Variants in WDPCP observed in about 807,000 individuals in gnomAD.
The protein encoded by WDPCP is WD repeat containing planar cell polarity effector.
Under a neutral mutation model 93.1 loss-of-function variants are expected in WDPCP, and 71 were observed. The observed-to-expected ratio is 0.76, with a 90% confidence interval of 0.63 to 0.93. The LOEUF (loss-of-function observed/expected upper bound fraction) is 0.93, where lower values mean the gene tolerates loss of function less well. Ranked by LOEUF, WDPCP falls within the 40% of genes least tolerant of loss-of-function variation. WDPCP has a pLI of 0.00. For synonymous variants in WDPCP, 315 were observed against 315.0 expected, an observed-to-expected ratio of 1.00 and a Z score of 0.00; for missense variants, 844 against 887.4, an observed-to-expected ratio of 0.95 and a Z score of 0.62.
intron 6 of WDPCP, among the ~76,000 whole-genome samples, chr2:63,450,614 C>CACT (rs1251302296): frequency 6.6e-6 from 1 of 152,164 alleles, no homozygotes; most frequent in Non-Finnish European, 1.5e-5. Context: ...CTCAGCCCAC[C>CACT]ACTACTACCA....
intron 13 of WDPCP, among the ~76,000 whole-genome samples, chr2:63,261,082 T>C (rs1313167862): frequency 1.3e-5 from 2 of 152,156 alleles, no homozygotes; most frequent in Admixed American, 6.5e-5. Context: ...ACGTGAAACA[T>C]ACTGTGATAA....
At chr2:63,255,477 C>T (rs984263319) in intron 14 of WDPCP, among the ~76,000 whole-genome samples, 5 of 152,126 alleles carry the variant, frequency 3.3e-5, no homozygotes, top group Admixed American at 3.3e-4. Flanking sequence ...GGTGCCCTCC[C>T]CATGGTAAGA....
At chr2:63,824,537 CAAAAAAAAAAA>C (rs70965144) in intron 1 of WDPCP, among the ~76,000 whole-genome samples, 4 of 85,330 alleles carry the variant, frequency 4.7e-5, no homozygotes, top group Non-Finnish European at 8.2e-5. Flanking sequence ...GACCATGTTT[CAAAAAAAAAAA>C]AAAAAAAAAA....
chr2:63,501,444 T>C (rs1701545270), intron 1 of WDPCP, among the ~76,000 whole-genome samples: 1 of 152,180 alleles, frequency 6.6e-6, no homozygotes, highest in Admixed American at 6.5e-5. Context: ...CACCTGCCTG[T>C]ACTCCTAGCT....
chr2:63,692,938 T>C (rs1261030011), intron 2 of WDPCP, among the ~76,000 whole-genome samples: 4 of 152,238 alleles, frequency 2.6e-5, no homozygotes. Flanking sequence ...GGCTATGTGC[T>C]ACATAAGCAA....
At chr2:63,838,032 T>C in the WDPCP span, among the ~76,000 whole-genome samples, 1 of 151,432 alleles carries the variant, frequency 6.6e-6, no homozygotes, top group Non-Finnish European at 1.5e-5. Flanking sequence ...GAGGTGGAGG[T>C]TGCATTGAGC....
intron 2 of WDPCP, chr2:63,684,295 T>C (rs1184504916): frequency 6.7e-6 from 4 of 593,886 alleles, no homozygotes; most frequent in Non-Finnish European, 1.3e-5. Context: ...GCCCAAGTGG[T>C]TGCTGCTGAA....
At chr2:63,230,458 G>A (rs1678758634) in intron 14 of WDPCP, among the ~76,000 whole-genome samples, 1 of 152,138 alleles carries the variant, frequency 6.6e-6, no homozygotes, top group Non-Finnish European at 1.5e-5. Context: ...GCCCAGTAAT[G>A]GGATGGCTGG....
intron 2 of WDPCP, among the ~76,000 whole-genome samples, chr2:63,797,060 C>T (rs556490499): frequency 3.3e-5 from 5 of 152,248 alleles, no homozygotes; most frequent in African/African-American, 1.2e-4. Context: ...CATTCCAGGC[C>T]CTATCTCCTG....
Position 63,603,513 on chromosome 2 carries a change from A to T in WDPCP, n.488+47146T>A, listed in dbSNP as rs1289740920. Among the ~76,000 whole-genome samples the T allele has an allele frequency of 2.0e-5, 3 of 152,192 alleles. No homozygotes were observed. The East Asian group carries it at 5.8e-4, about 29-fold the overall frequency. ...TCAGCTTCTTAAAATATTTTTCCAC[A>T]TTCCCTTCTGGTTCATCATAAATTC... On this transcript the variant is annotated intron_variant and non_coding_transcript_variant, in intron 3 of 4. Coordinates refer to the WDPCP transcript ENST00000467687.
intron 1 of WDPCP, among the ~76,000 whole-genome samples, chr2:63,558,430 G>A (rs936859442): frequency 6.6e-6 from 1 of 151,892 alleles, no homozygotes; most frequent in Admixed American, 6.6e-5. Flanking sequence ...TGGGAGGCTT[G>A]AGGCAGGAGA....
chr2:63,483,202 G>T (rs1700370462), intron 6 of WDPCP, among the ~76,000 whole-genome samples: 1 of 151,916 alleles, frequency 6.6e-6, no homozygotes, highest in Non-Finnish European at 1.5e-5. Flanking sequence ...TAGGTGGCAG[G>T]CTGGCCCTCT....
At chr2:63,766,038 A>T (rs1670132938) in intron 2 of WDPCP, among the ~76,000 whole-genome samples, 1 of 152,254 alleles carries the variant, frequency 6.6e-6, no homozygotes, top group African/African-American at 2.4e-5. Context: ...CATCTTGTTT[A>T]GAGCACTAGC....
chr2:63,459,809 C>T (rs1698883219), intron 6 of WDPCP, among the ~76,000 whole-genome samples: 1 of 151,230 alleles, frequency 6.6e-6, no homozygotes, highest in South Asian at 2.1e-4. Context: ...CCCAGCTACT[C>T]AGGAGGCTGA....
At chr2:63,497,181 G>A (rs1485379243) in intron 1 of WDPCP, among the ~76,000 whole-genome samples, 4 of 150,932 alleles carry the variant, frequency 2.7e-5, no homozygotes, top group Non-Finnish European at 5.9e-5. Flanking sequence ...AAGTAAGCAG[G>A]AATGGTGAAT....
At chr2:63,575,429 T>TATATATACAGTATATACACG (rs1434476225) in intron 1 of WDPCP, among the ~76,000 whole-genome samples, 1 of 1,802 alleles carries the variant, frequency 5.5e-4, no homozygotes, top group African/African-American at 1.8e-3. Flanking sequence ...CTGTATACAG[T>TATATATACAGTATATACACG]GTATATACAG....
chr2:63,586,344 G>T (rs962410295), intron 1 of WDPCP, among the ~76,000 whole-genome samples: 1 of 152,164 alleles, frequency 6.6e-6, no homozygotes, highest in Non-Finnish European at 1.5e-5. Flanking sequence ...CAAAAAAAAT[G>T]TTAAGCATAA....
At chr2:63,512,430 A>T (rs1484902494) in intron 1 of WDPCP, among the ~76,000 whole-genome samples, 1 of 152,212 alleles carries the variant, frequency 6.6e-6, no homozygotes, top group Non-Finnish European at 1.5e-5. Context: ...TACTATAAAG[A>T]CATATGCACA....
chr2:63,816,618 A>G (rs746259559), intron 1 of WDPCP, among the ~76,000 whole-genome samples: 8 of 152,238 alleles, frequency 5.3e-5, no homozygotes, highest in Non-Finnish European at 1.0e-4. Flanking sequence ...CAGAGGGAGC[A>G]CAGCCCTGCC....
Sources: gnomAD v4.1 joint callset for allele counts (sites outside exome capture counted in the v4.1 genomes callset) on GRCh38, gnomAD v4.1.1 for gene constraint, MANE v1.5 for transcripts, NCBI Gene and HGNC (gene_info 2026-07-23, HGNC 2026-07-21) for gene names.